PPARGC1A: variants seen among roughly 807,000 people sequenced by gnomAD.
PPARGC1A encodes PPARG coactivator 1 alpha, also known as peroxisome proliferator-activated receptor gamma coactivator 1-alpha.
Under a neutral mutation model 88.7 loss-of-function variants are expected in PPARGC1A, and 25 were observed. The observed-to-expected ratio is 0.28, with a 90% CI of 0.21 to 0.39. The LOEUF (loss-of-function observed/expected upper bound fraction) is 0.39. Among genes scored for constraint, PPARGC1A ranks in the 10% least tolerant of loss-of-function variants. PPARGC1A has a pLI of 1.00. For synonymous variants in PPARGC1A, 363 were observed against 355.6 expected (o/e 1.02, Z -0.24); for missense variants, 880 against 968.7 (o/e 0.91, Z 1.22).
At chr4:23,815,207 T>C (rs534227885) in intron 7 of PPARGC1A, among the ~76,000 whole-genome samples, 2 of 151,550 alleles carry the variant, frequency 1.3e-5, no homozygotes, top group East Asian at 3.9e-4. Flanking sequence ...GTAAGTTCAG[T>C]GAAATACGAC....
chr4:24,002,329 T>C, the PPARGC1A span, among the ~76,000 whole-genome samples: 1 of 152,106 alleles, frequency 6.6e-6, no homozygotes, highest in Non-Finnish European at 1.5e-5. Context: ...AGTTTCACTA[T>C]GTTGGCCAGG....
the PPARGC1A span, among the ~76,000 whole-genome samples, chr4:24,392,203 C>T: frequency 6.6e-6 from 1 of 152,126 alleles, no homozygotes; most frequent in African/African-American, 2.4e-5. Flanking sequence ...GTCATTAAAA[C>T]TTGAATGTCT....
At chr4:24,354,148 C>T in the PPARGC1A span, among the ~76,000 whole-genome samples, 1 of 152,090 alleles carries the variant, frequency 6.6e-6, no homozygotes, top group Non-Finnish European at 1.5e-5. Flanking sequence ...ACCTCAGAAC[C>T]AGCAATGGGA....
At chr4:24,220,692 A>G in the PPARGC1A span, among the ~76,000 whole-genome samples, 3 of 152,220 alleles carry the variant, frequency 2.0e-5, no homozygotes, top group Non-Finnish European at 4.4e-5. Context: ...AAGGACAGAA[A>G]GATGAGAACA....
chr4:24,035,926 T>C, the PPARGC1A span, among the ~76,000 whole-genome samples: 1 of 152,210 alleles, frequency 6.6e-6, no homozygotes. Context: ...GTAAACGATG[T>C]TAAATGATGT....
At chr4:24,305,077 TA>T in the PPARGC1A span, among the ~76,000 whole-genome samples, 1 of 150,758 alleles carries the variant, frequency 6.6e-6, no homozygotes. Context: ...ATAATATACA[TA>T]AGAATGGTGG....
At chr4:24,109,888 C>T in the PPARGC1A span, among the ~76,000 whole-genome samples, 1 of 152,144 alleles carries the variant, frequency 6.6e-6, no homozygotes, top group Non-Finnish European at 1.5e-5. Context: ...AAGATCCTGT[C>T]CTCCAGCTAC....
the PPARGC1A span, among the ~76,000 whole-genome samples, chr4:24,020,762 C>A: frequency 2.0e-5 from 3 of 152,152 alleles, no homozygotes; most frequent in Admixed American, 6.5e-5. Context: ...ATTTCTCACA[C>A]CCCTTGTCTC....
At chr4:24,244,733 T>C in the PPARGC1A span, among the ~76,000 whole-genome samples, 5 of 152,184 alleles carry the variant, frequency 3.3e-5, no homozygotes, top group Admixed American at 1.3e-4. Flanking sequence ...ATCTAGTGAA[T>C]AGAGGATGCC....
chr4:23,808,722 C>T lies in PPARGC1A; in HGVS notation c.2019+4025G>A, dbSNP rs147176407. ...CTGAAACAATGGTAACATTCAACCACAATATAAGATTTTGCATTGGTAATT... is the reference window on the plus strand; with the variant it reads ...CTGAAACAATGGTAACATTCAACCATAATATAAGATTTTGCATTGGTAATT... On this transcript the variant is annotated intron_variant, in intron 10 of 12. Transcript: ENST00000264867. 5.8e-3 allele frequency among the ~76,000 whole-genome samples: 886 copies of T among 152,276 alleles called. 2 individuals carry two copies. Among genetic ancestry groups the T allele is most frequent in the Middle Eastern group, 0.014 (4 of 294 alleles).
At chr4:24,246,245 T>C in the PPARGC1A span, among the ~76,000 whole-genome samples, 8 of 152,250 alleles carry the variant, frequency 5.3e-5, no homozygotes, top group Admixed American at 5.2e-4. Flanking sequence ...CTTCCTACTA[T>C]AAAAAAACAG....
At chr4:23,887,649 C>T (rs1717134152) in intron 1 of PPARGC1A, among the ~76,000 whole-genome samples, 1 of 152,072 alleles carries the variant, frequency 6.6e-6, no homozygotes, top group African/African-American at 2.4e-5. Flanking sequence ...AAGGAGCAGA[C>T]AATAAATTAG....
the PPARGC1A span, among the ~76,000 whole-genome samples, chr4:24,467,032 G>A: frequency 2.1e-5 from 2 of 96,822 alleles, no homozygotes; most frequent in Admixed American, 1.1e-4. Flanking sequence ...GAAAGAAAGA[G>A]AAAGAGAGAG....
the PPARGC1A span, among the ~76,000 whole-genome samples, chr4:23,931,163 C>A: frequency 1.3e-5 from 2 of 152,154 alleles, no homozygotes; most frequent in Non-Finnish European, 2.9e-5. Flanking sequence ...TGAGCTTGTG[C>A]TGGGACTCCC....
the PPARGC1A span, among the ~76,000 whole-genome samples, chr4:24,156,102 T>C: frequency 8.5e-4 from 129 of 152,284 alleles, no homozygotes; most frequent in Non-Finnish European, 1.4e-3. Context: ...ATTTTGGAGA[T>C]GGATAAACTG....
chr4:24,103,462 G>A, the PPARGC1A span, among the ~76,000 whole-genome samples: 1 of 152,100 alleles, frequency 6.6e-6, no homozygotes, highest in East Asian at 1.9e-4. Flanking sequence ...AGAGCACCCA[G>A]GACAGAGAGC....
the PPARGC1A span, among the ~76,000 whole-genome samples, chr4:24,132,273 C>T: frequency 7.5e-3 from 1,108 of 148,160 alleles, 8 homozygotes; most frequent in South Asian, 0.022. Flanking sequence ...TGCCAGAGTA[C>T]CTTTATGAGG....
At chr4:24,092,949 C>G in the PPARGC1A span, among the ~76,000 whole-genome samples, 1 of 152,228 alleles carries the variant, frequency 6.6e-6, no homozygotes, top group African/African-American at 2.4e-5. Flanking sequence ...ATTGCACACA[C>G]AGCCAAACAA....
chr4:23,814,130 T>C lies in PPARGC1A; in HGVS notation c.1353A>G (p.Lys451=). 1 of 1,614,052 alleles carries C rather than the reference T, an allele frequency of 6.2e-7. No individual in the cohort carries two copies. Among genetic ancestry groups the C allele is most frequent in the South Asian group, 1.1e-5 (1 of 91,074 alleles). ...CTCGGATTTCCTGGTCTTGGAGCTG[T>C]TTTCTTGTGCTGCAAGGAGAGACCT... ...SKQVSPCSTR[K]QLQDQEIRAE... Residue 451 remains lysine, a synonymous_variant, in exon 8 of 13, where the codon AAA becomes AAG. Coordinates refer to ENST00000264867, the MANE Select transcript of PPARGC1A (RefSeq NM_013261.5).
Sources: allele counts gnomAD v4.1 joint callset (sites outside exome capture counted in the v4.1 genomes callset), GRCh38; gene constraint gnomAD v4.1.1; transcripts MANE v1.5; gene names NCBI Gene and HGNC (gene_info 2026-07-23, HGNC 2026-07-21).